Variants in DPYSL4 observed in about 807,000 individuals in gnomAD.
DPYSL4 encodes the protein dihydropyrimidinase like 4.
In DPYSL4, 43 loss-of-function variants were observed where a neutral mutation model predicts 63.4. The observed-to-expected ratio is 0.68, with a 90% CI of 0.53 to 0.88. DPYSL4 has a LOEUF of 0.88. DPYSL4 is among the 40% of genes least tolerant of loss of function. The pLI is 0.00. For synonymous variants in DPYSL4, 353 were observed against 331.7 expected, an observed-to-expected ratio of 1.06 and a Z score of -0.70; for missense variants, 733 against 819.5, an observed-to-expected ratio of 0.89 and a Z score of 1.29.
chr10:132,204,486 C>T (rs1216635325), intron 13 of DPYSL4, among the ~76,000 whole-genome samples: 1 of 152,140 alleles, frequency 6.6e-6, no homozygotes, highest in African/African-American at 2.4e-5. Flanking sequence ...GGGGCAGGTC[C>T]CTGAGAACCC....
intron 1 of DPYSL4, 97 bp from the exon 2 acceptor site, chr10:132,190,650 G>C: frequency 1.6e-6 from 2 of 1,235,482 alleles, no homozygotes; most frequent in Non-Finnish European, 2.3e-6. Flanking sequence ...AATTTTGCCT[G>C]AATGTTTCAG....
chr10:132,203,982 G>T (rs759169071), intron 13 of DPYSL4, 55 bp downstream of exon 13: 175 of 1,550,970 alleles, frequency 1.1e-4, no homozygotes, highest in Non-Finnish European at 1.5e-4. Flanking sequence ...GAGCATCCAG[G>T]GCCTCAGGTA....
intron 1 of DPYSL4, among the ~76,000 whole-genome samples, chr10:132,190,538 C>T (rs535157919): frequency 6.6e-6 from 1 of 152,370 alleles, no homozygotes; most frequent in African/African-American, 2.4e-5. Context: ...AGCTGTGGGG[C>T]GTGCGTGGCA....
chr10:132,189,778 C>A (rs1461220729), intron 1 of DPYSL4, among the ~76,000 whole-genome samples: 1 of 152,230 alleles, frequency 6.6e-6, no homozygotes, highest in Non-Finnish European at 1.5e-5. Flanking sequence ...CTGTCACAAG[C>A]TACTTTCTAA....
At chr10:132,192,992 T>C in intron 3 of DPYSL4, 150 bp downstream of exon 3, 1 of 775,272 alleles carries the variant, frequency 1.3e-6, no homozygotes, top group Non-Finnish European at 1.9e-6. Context: ...CCTGGAGTGC[T>C]TTTCTAATCC....
intron 11 of DPYSL4, 52 bp from the exon 12 acceptor site, chr10:132,202,594 G>T: frequency 6.2e-7 from 1 of 1,601,034 alleles, no homozygotes. Flanking sequence ...ACGGGGATGG[G>T]ACTGTTGGGC....
intron 1 of DPYSL4, among the ~76,000 whole-genome samples, chr10:132,187,878 G>A (rs2061826587): frequency 6.6e-6 from 1 of 152,242 alleles, no homozygotes; most frequent in Non-Finnish European, 1.5e-5. Context: ...GTGGGAGGAA[G>A]GAGGCTTCGG....
intron 3 of DPYSL4, 88 bp downstream of exon 3, chr10:132,192,930 C>A: frequency 7.3e-7 from 1 of 1,366,010 alleles, no homozygotes; most frequent in Non-Finnish European, 9.8e-7. Context: ...GGAGGAGTGT[C>A]GCCTAAAGGT....
chr10:132,199,224 A>G (rs1233295666), intron 8 of DPYSL4, among the ~76,000 whole-genome samples: 5 of 152,086 alleles, frequency 3.3e-5, no homozygotes, highest in Admixed American at 2.6e-4. Flanking sequence ...CGCTCATCCC[A>G]TTTCCAGTGG....
rs1275114760 is a variant in DPYSL4, at chr10:132,204,997, G to GC, written c.*73dup. ...AGGCCGCGGGGGCCCCAGGGCACTC[G>GC]CCCCCCTCCTTAGCATTTTCTTTTG... On this transcript the variant is annotated 3_prime_UTR_variant, in exon 14 of 14. Coordinates refer to ENST00000338492, the MANE Select transcript of DPYSL4 (RefSeq NM_006426.3). 1.3e-5 allele frequency: 17 copies of GC among 1,296,560 alleles called. No individual in the cohort carries two copies. In the Admixed American group the frequency reaches 3.4e-4, roughly 26 times the overall value. The allele number at this position is 1,296,560 out of a possible 1,614,324, so 80.3% of individuals were successfully genotyped here. A position where few individuals can be genotyped will look rare whatever the true frequency, so the allele number is the denominator to read the frequency against.
intron 6 of DPYSL4, 125 bp from the exon 7 acceptor site, chr10:132,198,290 G>C: frequency 1.2e-6 from 1 of 838,836 alleles, no homozygotes; most frequent in Non-Finnish European, 1.9e-6. Context: ...CTGTGGCTGG[G>C]AAATTCTGGG....
chr10:132,199,506 T>C (rs1292399442), intron 8 of DPYSL4, among the ~76,000 whole-genome samples: 1 of 151,812 alleles, frequency 6.6e-6, no homozygotes, highest in Non-Finnish European at 1.5e-5. Context: ...CAGCAATCAC[T>C]GGGGCTGGAG....
At chr10:132,200,786 C>T in intron 9 of DPYSL4, 56 bp from the exon 10 acceptor site, 1 of 1,586,862 alleles carries the variant, frequency 6.3e-7, no homozygotes, top group East Asian at 2.2e-5. Context: ...CTGGAGCTGA[C>T]CTGGCCTCTG....
rs746285065 is a variant in DPYSL4, at chr10:132,203,825, C to G, written c.1525C>G (p.Pro509Ala). 15 of 1,612,626 alleles carry G rather than the reference C, an allele frequency of 9.3e-6. No individual in the cohort carries two copies. The highest frequency in any genetic ancestry group is 1.3e-5 in the Non-Finnish European group (15 of 1,179,780). Residue 509 changes from proline to alanine, a missense_variant, in exon 13 of 14, where the codon CCT (proline) becomes GCT (alanine). By Grantham distance (27) the Pro-to-Ala change is conservative (BLOSUM62 -1). Coordinates refer to ENST00000338492, the MANE Select transcript of DPYSL4 (RefSeq NM_006426.3). ...YDGPVHEVMV[P>A]AKPGSGAPAR... is the part of the protein sequence containing the mutation. ...CGGGCCCGTCCACGAGGTGATGGTGCCTGCCAAGCCAGGGAGTGGCGCTCC... is the reference window on the plus strand; with the variant it reads ...CGGGCCCGTCCACGAGGTGATGGTGGCTGCCAAGCCAGGGAGTGGCGCTCC...
At chr10:132,197,478 A>G (rs1378025461) in intron 6 of DPYSL4, among the ~76,000 whole-genome samples, 1 of 152,190 alleles carries the variant, frequency 6.6e-6, no homozygotes, top group African/African-American at 2.4e-5. Context: ...ACAGGGCCAC[A>G]TCCTTCAGAC....
chr10:132,204,429 G>A (rs1401450073), intron 13 of DPYSL4, among the ~76,000 whole-genome samples: 2 of 152,184 alleles, frequency 1.3e-5, no homozygotes, highest in South Asian at 2.1e-4. Flanking sequence ...TCCGGACCCA[G>A]GAAGGTGATA....
chr10:132,200,744 T>C, intron 9 of DPYSL4, 98 bp from the exon 10 acceptor site: 1 of 1,504,194 alleles, frequency 6.6e-7, no homozygotes, highest in Non-Finnish European at 8.9e-7. Context: ...TCAGATGACC[T>C]CTAGCCCCTG....
Position 132,196,014 on chromosome 10 carries a change from A to G in DPYSL4, c.479-847A>G, listed in dbSNP as rs1042793497. ...AACCCAAACATGACCTTCCTCAGAC[A>G]CTCGGGGGCAGGCCTCAAACTCCAG... On this transcript the variant is annotated intron_variant, in intron 4 of 13. Transcript: ENST00000338492. Among the ~76,000 whole-genome samples the G allele has an allele frequency of 2.0e-5, 3 of 151,986 alleles. 1 individual carries two copies. In the South Asian group the frequency reaches 6.2e-4, roughly 32 times the overall value.
intron 8 of DPYSL4, among the ~76,000 whole-genome samples, chr10:132,199,444 T>C (rs538653281): frequency 6.6e-6 from 1 of 151,626 alleles, no homozygotes; most frequent in African/African-American, 2.4e-5. Flanking sequence ...TGGCAGCGGC[T>C]TGACTGTGGT....
Sources: gnomAD v4.1 joint callset for allele counts (sites outside exome capture counted in the v4.1 genomes callset) on GRCh38, gnomAD v4.1.1 for gene constraint, MANE v1.5 for transcripts, NCBI Gene and HGNC (gene_info 2026-07-23, HGNC 2026-07-21) for gene names.